Variants in PGAP2 observed in about 807,000 individuals in gnomAD.
PGAP2 encodes the protein post-GPI attachment to proteins 2.
PGAP2 carries 21 observed loss-of-function variants against 33.2 expected under a neutral mutation model. That is an observed-to-expected ratio of 0.63 (90% CI 0.45 to 0.91). The LOEUF is 0.91. Among genes scored for constraint, PGAP2 ranks in the 40% least tolerant of loss-of-function variants. PGAP2 has a pLI of 0.00. For synonymous variants in PGAP2, 161 were observed against 172.9 expected (o/e 0.93, Z 0.54); for missense variants, 345 against 424.0 (o/e 0.81, Z 1.64).
intron 2 of PGAP2, among the ~76,000 whole-genome samples, chr11:3,814,896 C>G (rs1287034295): frequency 6.8e-6 from 1 of 147,702 alleles, no homozygotes; most frequent in Non-Finnish European, 1.5e-5. Flanking sequence ...TTCCCTTTCC[C>G]TTTCCCTTGC....
intron 1 of PGAP2, among the ~76,000 whole-genome samples, chr11:3,810,870 C>T (rs1007649562): frequency 2.6e-5 from 4 of 152,136 alleles, no homozygotes; most frequent in African/African-American, 9.7e-5. Flanking sequence ...AGGAGATGGG[C>T]CATGCCATCC....
At chr11:3,818,069 A>AAC (rs2087554329) in intron 3 of PGAP2, 9 of 306,452 alleles carry the variant, frequency 2.9e-5, no homozygotes, top group South Asian at 2.4e-4. Context: ...AAATAAAAAA[A>AAC]AAAAAACAGC....
intron 2 of PGAP2, 53 bp from the exon 3 acceptor site, chr11:3,817,300 C>G (rs2087264790): frequency 1.4e-6 from 2 of 1,460,448 alleles, no homozygotes; most frequent in Admixed American, 3.9e-5. Context: ...GCCCCACTTT[C>G]CCAGACCCAG....
chr11:3,817,326 C>A (rs1431762799), intron 2 of PGAP2, 27 bp from the exon 3 acceptor site: 12 of 1,587,618 alleles, frequency 7.6e-6, no homozygotes, highest in Non-Finnish European at 1.0e-5. Context: ...CTACCAGGCC[C>A]CAAGTTGTAT....
chr11:3,823,525 T>G (rs1403141982), intron 3 of PGAP2: 1 of 1,427,562 alleles, frequency 7.0e-7, no homozygotes, highest in Non-Finnish European at 9.5e-7. Context: ...TCTGAGGCCT[T>G]GGAACTCACC....
upstream of PGAP2, chr11:3,808,287 T>G: frequency 6.4e-7 from 1 of 1,551,478 alleles, no homozygotes; most frequent in Non-Finnish European, 8.7e-7. Flanking sequence ...TTGTGTTCTT[T>G]CAACAGGTAG....
chr11:3,810,873 T>C (rs545919953), intron 1 of PGAP2, among the ~76,000 whole-genome samples: 1 of 152,284 alleles, frequency 6.6e-6, no homozygotes, highest in Non-Finnish European at 1.5e-5. Flanking sequence ...AGATGGGCCA[T>C]GCCATCCACT....
intron 3 of PGAP2, 109 bp from the exon 4 acceptor site, chr11:3,823,774 G>T: frequency 6.3e-7 from 1 of 1,599,076 alleles, no homozygotes; most frequent in Non-Finnish European, 8.5e-7. Context: ...CTTCTTGGAA[G>T]GGGAGGGGCT....
chr11:3,802,254 T>C (rs1321157653), intron 1 of PGAP2, among the ~76,000 whole-genome samples: 2 of 152,120 alleles, frequency 1.3e-5, no homozygotes, highest in Non-Finnish European at 2.9e-5. Context: ...CCTGTGACTT[T>C]GGTGATTTCT....
chr11:3,802,521 T>C (rs2083602542), intron 1 of PGAP2, among the ~76,000 whole-genome samples: 1 of 152,178 alleles, frequency 6.6e-6, no homozygotes, highest in South Asian at 2.1e-4. Flanking sequence ...TGTCCACAGC[T>C]CAACACTATT....
chr11:3,801,641 C>A (rs1392228428), intron 1 of PGAP2, among the ~76,000 whole-genome samples: 138 of 76,708 alleles, frequency 1.8e-3, no homozygotes, highest in African/African-American at 3.1e-3. Context: ...GACTCCATCT[C>A]AAAAAAAAAA....
chr11:3,807,043 GA>G (rs527407082), upstream of PGAP2, among the ~76,000 whole-genome samples: 10 of 139,214 alleles, frequency 7.2e-5, no homozygotes, highest in South Asian at 7.1e-4. Context: ...GAGAAAGAAA[GA>G]AAAAAAAAAG....
intron 3 of PGAP2, among the ~76,000 whole-genome samples, chr11:3,821,756 T>TAA (rs145934388): frequency 1.1e-4 from 15 of 141,894 alleles, no homozygotes; most frequent in South Asian, 4.3e-4. Context: ...AGACTCCATC[T>TAA]CAAAAAAAAA....
upstream of PGAP2, among the ~76,000 whole-genome samples, chr11:3,805,297 T>C (rs983617322): frequency 6.7e-6 from 1 of 149,280 alleles, no homozygotes; most frequent in Admixed American, 6.7e-5. Context: ...GGTCTTGCTC[T>C]GTCACTCAGG....
intron 2 of PGAP2, among the ~76,000 whole-genome samples, chr11:3,812,695 A>G (rs544913040): frequency 3.3e-5 from 5 of 152,292 alleles, no homozygotes; most frequent in Admixed American, 6.5e-5. Flanking sequence ...CTGGATCCCC[A>G]CTTCATGTAA....
chr11:3,825,666 C>T lies in PGAP2; in HGVS notation c.*208C>T, dbSNP rs1252320399. The T allele has an allele frequency of 2.3e-6, 1 of 436,774 alleles. No homozygotes were observed. Among genetic ancestry groups the T allele is most frequent in the Non-Finnish European group, 4.1e-6 (1 of 244,088 alleles). The allele number at this position is 436,774 out of a possible 1,614,324, so 27.1% of individuals were successfully genotyped here. A position where few individuals can be genotyped will look rare whatever the true frequency, so the allele number is the denominator to read the frequency against. On this transcript the variant is annotated 3_prime_UTR_variant, in exon 7 of 7. Coordinates refer to ENST00000278243, the MANE Select transcript of PGAP2 (RefSeq NM_014489.4). ...ATGGGCGTGGGGTCCTCAAACATCA[C>T]CTTTACCTGAGAGGCCCCAAGAAGC...
intron 2 of PGAP2, among the ~76,000 whole-genome samples, chr11:3,813,069 C>T (rs2085950090): frequency 1.3e-5 from 2 of 152,328 alleles, no homozygotes; most frequent in South Asian, 2.1e-4. Context: ...TCTTCCCTAT[C>T]CTCCTTGGGG....
rs1044571692 is a variant in PGAP2 at position 3,818,063 on chromosome 11, A to AC, written c.348+528_348+529insC. The AC allele has an allele frequency of 5.9e-5, 9 of 151,550 alleles. No individual in the cohort carries two copies. In the East Asian group the frequency reaches 6.8e-4, roughly 11 times the overall value. The allele number at this position is 151,550 out of a possible 1,614,324, so 9.4% of individuals were successfully genotyped here. On this transcript the variant is annotated intron_variant, in intron 3 of 6. Coordinates refer to ENST00000278243, the MANE Select transcript of PGAP2 (RefSeq NM_014489.4). ...CCCTGTCTCAAAAACAAAACAAAATAAAAAAAAAAAAACAGCAGGCTGTGC... is the reference window on the plus strand; with the variant it reads ...CCCTGTCTCAAAAACAAAACAAAATACAAAAAAAAAAAACAGCAGGCTGTGC...
intron 3 of PGAP2, chr11:3,822,847 C>A: frequency 2.2e-6 from 2 of 917,488 alleles, no homozygotes. Context: ...ATCCTTTCAC[C>A]TCTCAAACAA....
Sources: gnomAD v4.1 joint callset for allele counts (sites outside exome capture counted in the v4.1 genomes callset) on GRCh38, gnomAD v4.1.1 for gene constraint, MANE v1.5 for transcripts, NCBI Gene and HGNC (gene_info 2026-07-23, HGNC 2026-07-21) for gene names.